The following MPPED1 variants were observed in gnomAD, a reference collection of about 807,000 sequenced individuals.
MPPED1 encodes metallophosphoesterase domain-containing protein 1.
A neutral mutation model predicts 36.2 loss-of-function variants in MPPED1; 16 were observed. The ratio of observed to expected loss-of-function variants is 0.44; its 90% CI spans 0.30 to 0.67. The LOEUF (loss-of-function observed/expected upper bound fraction) is 0.67. Ranked by LOEUF, MPPED1 falls within the 30% of genes least tolerant of loss-of-function variation. MPPED1 has a pLI of 0.10. For missense variants in MPPED1, 307 were observed against 453.4 expected (o/e 0.68, Z 2.93); for synonymous variants, 199 against 191.3 (o/e 1.04, Z -0.33).
At chr22:43,500,790 C>T (rs1932710023) in intron 5 of MPPED1, among the ~76,000 whole-genome samples, 1 of 152,146 alleles carries the variant, frequency 6.6e-6, no homozygotes, top group Non-Finnish European at 1.5e-5. Flanking sequence ...CAGCCAAGCC[C>T]CGTGGGACAC....
At chr22:43,479,343 A>G (rs903304646) in intron 4 of MPPED1, among the ~76,000 whole-genome samples, 1 of 152,236 alleles carries the variant, frequency 6.6e-6, no homozygotes, top group African/African-American at 2.4e-5. Context: ...TGAAACAAAC[A>G]CTAGCAATGA....
intron 4 of MPPED1, among the ~76,000 whole-genome samples, chr22:43,479,503 C>G (rs985366993): frequency 1.3e-5 from 2 of 152,206 alleles, no homozygotes; most frequent in African/African-American, 2.4e-5. Context: ...AGGGAAGACT[C>G]CCCCATAGGC....
intron 4 of MPPED1, among the ~76,000 whole-genome samples, chr22:43,479,567 C>T (rs142562585): frequency 4.6e-5 from 7 of 152,304 alleles, no homozygotes; most frequent in African/African-American, 9.6e-5. Context: ...CTGCCCATCA[C>T]GAGGGGCATG....
At chr22:43,425,866 G>T (rs1929450587) in intron 2 of MPPED1, among the ~76,000 whole-genome samples, 1 of 152,228 alleles carries the variant, frequency 6.6e-6, no homozygotes, top group South Asian at 2.1e-4. Context: ...AGGCCCTGGG[G>T]AGCACACAGA....
intron 3 of MPPED1, among the ~76,000 whole-genome samples, chr22:43,445,558 CTTTTTTTT>C (rs135055): frequency 8.1e-6 from 1 of 123,912 alleles, no homozygotes; most frequent in African/African-American, 3.2e-5. Context: ...CTGATGTTTC[CTTTTTTTT>C]TTTTTTTTTT....
chr22:43,481,369 C>A (rs188118897), intron 4 of MPPED1, among the ~76,000 whole-genome samples: 1 of 152,098 alleles, frequency 6.6e-6, no homozygotes, highest in South Asian at 2.1e-4. Context: ...AGTGTAGGAC[C>A]GCCCTGTCTT....
At chr22:43,470,273 A>C (rs796129981) in intron 3 of MPPED1, among the ~76,000 whole-genome samples, 12 of 149,364 alleles carry the variant, frequency 8.0e-5, no homozygotes, top group South Asian at 4.2e-4. Flanking sequence ...CCATCTATTC[A>C]TCTATCTATA....
At chr22:43,463,822 TCTTTCTTTCTTTC>T (rs1931049459) in intron 3 of MPPED1, among the ~76,000 whole-genome samples, 1 of 108,734 alleles carries the variant, frequency 9.2e-6, no homozygotes, top group Non-Finnish European at 2.0e-5. Context: ...TTTCTTTCTT[TCTTTCTTTCTTTC>T]TTTCTTTCTT....
At chr22:43,436,205 C>A (rs1357667483) in intron 3 of MPPED1, among the ~76,000 whole-genome samples, 1 of 152,242 alleles carries the variant, frequency 6.6e-6, no homozygotes. Context: ...ATCTCTGTCC[C>A]CACCCGGGGA....
chr22:43,469,639 C>T (rs1293972991), intron 3 of MPPED1, among the ~76,000 whole-genome samples: 2 of 152,122 alleles, frequency 1.3e-5, no homozygotes, highest in Non-Finnish European at 2.9e-5. Flanking sequence ...TGCAAGAGAG[C>T]ATGTTTAATT....
At chr22:43,420,473 C>T (rs1345065627) in intron 1 of MPPED1, among the ~76,000 whole-genome samples, 1 of 151,682 alleles carries the variant, frequency 6.6e-6, no homozygotes, top group Non-Finnish European at 1.5e-5. Flanking sequence ...GGCACGATCT[C>T]GGCTGAATGC....
chr22:43,483,883 C>T (rs1931827951), intron 4 of MPPED1, among the ~76,000 whole-genome samples: 1 of 152,216 alleles, frequency 6.6e-6, no homozygotes. Context: ...GTCTGCTGGC[C>T]TGAGAACAGC....
chr22:43,429,187 C>A (rs143106272), intron 2 of MPPED1, among the ~76,000 whole-genome samples: 1 of 152,074 alleles, frequency 6.6e-6, no homozygotes, highest in African/African-American at 2.4e-5. Flanking sequence ...ATGTGGACAC[C>A]CTCTCTACAG....
chr22:43,484,220 C>G (rs555499050), intron 4 of MPPED1, among the ~76,000 whole-genome samples: 1 of 152,228 alleles, frequency 6.6e-6, no homozygotes, highest in Non-Finnish European at 1.5e-5. Flanking sequence ...ACTCGAGACC[C>G]GCATTCGGCC....
chr22:43,453,183 C>T (rs1425614649), intron 3 of MPPED1, among the ~76,000 whole-genome samples: 1 of 152,094 alleles, frequency 6.6e-6, no homozygotes, highest in African/African-American at 2.4e-5. Context: ...ATCTCCTGAC[C>T]TTGTGATCTG....
chr22:43,443,553 T>C (rs2146844225), intron 3 of MPPED1, among the ~76,000 whole-genome samples: 1 of 152,118 alleles, frequency 6.6e-6, no homozygotes, highest in Middle Eastern at 3.4e-3. Context: ...GCGAGGGAGA[T>C]GGCTGACCTG....
At chr22:43,431,284 C>A (rs547191913) in intron 2 of MPPED1, among the ~76,000 whole-genome samples, 1 of 152,062 alleles carries the variant, frequency 6.6e-6, no homozygotes, top group Non-Finnish European at 1.5e-5. Flanking sequence ...CTCAAGTGAT[C>A]CACCCACCTT....
At chr22:43,499,957 T>G (rs1319504780) in intron 5 of MPPED1, among the ~76,000 whole-genome samples, 3 of 96,424 alleles carry the variant, frequency 3.1e-5, no homozygotes, top group Non-Finnish European at 6.0e-5. Flanking sequence ...GTGGTGGTGA[T>G]GGAGGTGGTG....
chr22:43,460,263 AC>A (rs368015046), intron 3 of MPPED1, among the ~76,000 whole-genome samples: 7,412 of 93,422 alleles, frequency 0.079, 620 homozygotes, highest in African/African-American at 0.17. Flanking sequence ...ACAAACCCAA[AC>A]CCCCCCCCCC....
Sources: allele counts gnomAD v4.1 joint callset (sites outside exome capture counted in the v4.1 genomes callset), GRCh38; gene constraint gnomAD v4.1.1; transcripts MANE v1.5; gene names NCBI Gene and HGNC (gene_info 2026-07-23, HGNC 2026-07-21).